Variants in CUZD1 observed in about 807,000 individuals in gnomAD.
CUZD1 encodes the protein CUB and zona pellucida like domains 1, also known as CUB and zona pellucida-like domain-containing protein 1.
In CUZD1, 42 loss-of-function variants were observed where a neutral mutation model predicts 53.1. The observed-to-expected ratio is 0.79, with a 90% CI of 0.62 to 1.02. The LOEUF (loss-of-function observed/expected upper bound fraction) is 1.02, where lower values mean the gene tolerates loss of function less well. Ranked by LOEUF, CUZD1 falls within the 50% of genes least tolerant of loss-of-function variation. The probability of loss-of-function intolerance (pLI) is 0.00; values close to 1 mark genes in which losing one functional copy is unlikely to be tolerated. For synonymous variants in CUZD1, 238 were observed against 257.2 expected (o/e 0.93, Z 0.71); for missense variants, 670 against 715.7 (o/e 0.94, Z 0.73).
At chr10:122,835,880 G>C (rs1305205373) in intron 6 of CUZD1, among the ~76,000 whole-genome samples, 2 of 152,006 alleles carry the variant, frequency 1.3e-5, no homozygotes, top group Non-Finnish European at 2.9e-5. Context: ...AAGTGTTACT[G>C]GTAGGCTATT....
At chr10:122,840,513 T>G (rs1462735049) in intron 2 of CUZD1, among the ~76,000 whole-genome samples, 1 of 152,110 alleles carries the variant, frequency 6.6e-6, no homozygotes, top group African/African-American at 2.4e-5. Context: ...CTGTGTTTTC[T>G]TATCTATAGA....
chr10:122,835,779 T>G (rs1234104335), intron 6 of CUZD1, among the ~76,000 whole-genome samples: 1 of 148,690 alleles, frequency 6.7e-6, no homozygotes, highest in Non-Finnish European at 1.5e-5. Context: ...TTTTTAAATG[T>G]TTTTTTTTCC....
rs774249028 is a variant in CUZD1 at position 122,836,857 on chromosome 10, G to T, written c.791C>A (p.Ser264Ter). The T allele has an allele frequency of 1.2e-6, 2 of 1,613,248 alleles. No individual in the cohort carries two copies. Among genetic ancestry groups the T allele is most frequent in the Non-Finnish European group, 1.7e-6 (2 of 1,179,292 alleles). The stretch of plus-strand genomic sequence containing the variant: ...AGTGTTGATGTTTTCTGCATAAATT[G>T]AGGTGTAGGAAGCAGAAAATCCCCG... Reference protein sequence around the residue: ...SYRGFSASYTSIYAENINTTS... With the variant: ...SYRGFSASYT Residue 264 changes from serine to a stop codon, truncating the protein, a stop_gained, in exon 5 of 9, where the codon TCA (serine) becomes TAA (stop). Coordinates refer to ENST00000392790, the MANE Select transcript of CUZD1 (RefSeq NM_022034.6). LOFTEE classifies it high-confidence loss of function.
intron 1 of CUZD1, among the ~76,000 whole-genome samples, chr10:122,843,285 T>C (rs184433928): frequency 1.3e-5 from 2 of 152,318 alleles, no homozygotes; most frequent in East Asian, 3.9e-4. Context: ...AGTCATCCCT[T>C]GGTGTCCACG....
intron 1 of CUZD1, among the ~76,000 whole-genome samples, chr10:122,845,063 T>C (rs981902986): frequency 1.3e-5 from 2 of 148,952 alleles, no homozygotes; most frequent in Non-Finnish European, 3.0e-5. Flanking sequence ...ATGGACACAT[T>C]ATAGATCAGA....
chr10:122,845,633 A>G (rs1453921731), intron 1 of CUZD1, 129 bp downstream of exon 1: 2 of 620,810 alleles, frequency 3.2e-6, no homozygotes, highest in Admixed American at 3.1e-5. Context: ...ATCCCCTCCA[A>G]GAGCATTAGA....
Position 122,832,242 on chromosome 10 carries a change from G to C in CUZD1, c.*36C>G, listed in dbSNP as rs1467729534. 6.2e-7 allele frequency: 1 copy of C among 1,603,540 alleles called. No individual in the cohort carries two copies. Among genetic ancestry groups the C allele is most frequent in the South Asian group, 1.1e-5 (1 of 90,306 alleles). ...GAGGTAGCATTTCCTTTGGCATCCTGGAGAAACATGTCTCACTTAGGGTTG... is the reference window on the plus strand; with the variant it reads ...GAGGTAGCATTTCCTTTGGCATCCTCGAGAAACATGTCTCACTTAGGGTTG... On this transcript the variant is annotated 3_prime_UTR_variant, in exon 9 of 9. Transcript: ENST00000392790.
At position 122,833,573 on chromosome 10, in the gene CUZD1, A is replaced by G. The variant is rs778397235; in HGVS notation, c.1651+99T>C. On this transcript the variant is annotated intron_variant, in intron 8 of 8. Coordinates refer to ENST00000392790, the MANE Select transcript of CUZD1 (RefSeq NM_022034.6). ...CAACTTATTTGCTAAAGCTACTATT[A>G]TAAATCTCTAAACTGTACATGCTTA... 111 of 1,276,252 alleles carry G rather than the reference A, an allele frequency of 8.7e-5. No individual in the cohort carries two copies. The Middle Eastern group carries it at 2.9e-3, about 34-fold the overall frequency. The allele number at this position is 1,276,252 out of a possible 1,614,324, so 79.1% of individuals were successfully genotyped here. A position where few individuals can be genotyped will look rare whatever the true frequency, so the allele number is the denominator to read the frequency against.
chr10:122,836,179 T>C lies in CUZD1; in HGVS notation c.989A>G (p.Lys330Arg), dbSNP rs759790848. 5.6e-6 allele frequency: 9 copies of C among 1,599,116 alleles called. No individual in the cohort carries two copies. The highest frequency in any genetic ancestry group is 7.7e-6 in the Non-Finnish European group (9 of 1,175,436). Reference protein sequence around the residue: ...VPLNGCGTIRKVEDQSITYTN... With the variant: ...VPLNGCGTIRRVEDQSITYTN... ...CCAGCTATCAGTATTTCACTTTACC[T>C]TTCTGATTGTACCACATCCATTAAG... Residue 330 changes from lysine to arginine, a missense_variant and splice_region_variant, in exon 6 of 9, where the codon AAG (lysine) becomes AGG (arginine). Lys to Arg is a conservative substitution (Grantham distance 26). Transcript: ENST00000392790.
intron 6 of CUZD1, 48 bp downstream of exon 6, chr10:122,836,130 C>T: frequency 6.6e-7 from 1 of 1,518,992 alleles, no homozygotes; most frequent in Middle Eastern, 1.8e-4. Context: ...CATTGCTCAA[C>T]ATGCACTCAG....
chr10:122,835,484 C>T (rs1298037682), intron 6 of CUZD1, among the ~76,000 whole-genome samples: 3 of 152,150 alleles, frequency 2.0e-5, no homozygotes, highest in Non-Finnish European at 4.4e-5. Flanking sequence ...CAAGGGTCTG[C>T]AAGAGGAAGG....
chr10:122,838,306 G>A (rs1847284385), intron 3 of CUZD1, among the ~76,000 whole-genome samples: 1 of 152,212 alleles, frequency 6.6e-6, no homozygotes, highest in South Asian at 2.1e-4. Context: ...GAAGTCAGTG[G>A]TTTTAGCAGG....
chr10:122,844,248 G>T (rs1847398030), intron 1 of CUZD1, among the ~76,000 whole-genome samples: 1 of 151,782 alleles, frequency 6.6e-6, no homozygotes, highest in Non-Finnish European at 1.5e-5. Context: ...GTCGTTCAGG[G>T]TGGTCTCAAA....
chr10:122,845,325 T>C (rs1847419322), intron 1 of CUZD1, among the ~76,000 whole-genome samples: 1 of 152,188 alleles, frequency 6.6e-6, no homozygotes, highest in South Asian at 2.1e-4. Flanking sequence ...TCCACCCACC[T>C]TGGCCTCCCA....
At chr10:122,845,296 C>T (rs1307839127) in intron 1 of CUZD1, among the ~76,000 whole-genome samples, 6 of 152,018 alleles carry the variant, frequency 3.9e-5, no homozygotes, top group East Asian at 1.9e-4. Flanking sequence ...AGGCTGGTCT[C>T]GAACTCCTGA....
In CUZD1 at chr10:122,836,931, T is replaced by G. The variant is rs1384467316; in HGVS notation, c.717A>C (p.Ser239=). Residue 239 remains serine, a synonymous_variant, in exon 5 of 9, where the codon TCA becomes TCC. Coordinates refer to ENST00000392790, the MANE Select transcript of CUZD1 (RefSeq NM_022034.6). ...CGRVTPTFES[S]SNSLTVVLST... ...ACAACACGACAGTCAGAGAGTTTGA[T>G]GACGATTCGAAGGTGGGAGTCACAC... The G allele has an allele frequency of 6.2e-7, 1 of 1,614,114 alleles. No individual in the cohort carries two copies. Among genetic ancestry groups the G allele is most frequent in the African/African-American group, 1.3e-5 (1 of 75,046 alleles).
rs567909867 is a variant in CUZD1, at chr10:122,837,317, C to T, written c.599+87G>A. On this transcript the variant is annotated intron_variant, in intron 4 of 8. Coordinates refer to ENST00000392790, the MANE Select transcript of CUZD1 (RefSeq NM_022034.6). ...GAAAAGTGCCCATATATGAGAATTA[C>T]GTATGATAATTTCTCTTCCCCAAAT... 16 of 1,368,366 alleles carry T rather than the reference C, an allele frequency of 1.2e-5. 1 individual carries two copies. The highest frequency in any genetic ancestry group is 2.3e-5 in the East Asian group (1 of 43,574). 84.8% of individuals were successfully genotyped at this position (1,368,366 alleles called of 1,614,324 possible).
chr10:122,832,448 A>G lies in CUZD1; in HGVS notation c.1654T>C (p.Phe552Leu). 6.2e-7 allele frequency: 1 copy of G among 1,612,548 alleles called. No individual in the cohort carries two copies. Among genetic ancestry groups the G allele is most frequent in the Non-Finnish European group, 8.5e-7 (1 of 1,179,332 alleles). ...TCTTCCGCATGTGTTTCATGCTGAAATCCTAAAATTGGAAACAAGATGAAA... is the reference window on the plus strand; with the variant it reads ...TCTTCCGCATGTGTTTCATGCTGAAGTCCTAAAATTGGAAACAAGATGAAA... ...RDRSASGNSG[F>L]QHETHAEETP... Residue 552 changes from phenylalanine to leucine, a missense_variant and splice_region_variant, in exon 9 of 9, where the codon TTT becomes CTT. Phe to Leu is a conservative substitution (Grantham distance 22). Coordinates refer to ENST00000392790, the MANE Select transcript of CUZD1 (RefSeq NM_022034.6).
intron 1 of CUZD1, among the ~76,000 whole-genome samples, chr10:122,843,203 A>C (rs1847370958): frequency 6.6e-6 from 1 of 152,228 alleles, no homozygotes; most frequent in African/African-American, 2.4e-5. Context: ...ATGTTCATCA[A>C]TTGATGAATA....
Sources: gnomAD v4.1 joint callset for allele counts (sites outside exome capture counted in the v4.1 genomes callset) on GRCh38, gnomAD v4.1.1 for gene constraint, MANE v1.5 for transcripts, NCBI Gene and HGNC (gene_info 2026-07-23, HGNC 2026-07-21) for gene names.